Variants in SDK1 observed in about 807,000 individuals in gnomAD.
The protein encoded by SDK1 is sidekick cell adhesion molecule 1, also known as protein sidekick-1.
A neutral mutation model predicts 245.5 loss-of-function variants in SDK1; 157 were observed. The observed-to-expected ratio is 0.64, with a 90% confidence interval of 0.56 to 0.73. The LOEUF (loss-of-function observed/expected upper bound fraction) is 0.73. Ranked by LOEUF, SDK1 falls within the 30% of genes least tolerant of loss-of-function variation. The pLI, the probability that SDK1 is intolerant of heterozygous loss-of-function variation, is 0.00. For synonymous variants in SDK1, 1,647 were observed against 1,278.5 expected, an observed-to-expected ratio of 1.29 and a Z score of -6.15; for missense variants, 3,583 against 3,002.3, an observed-to-expected ratio of 1.19 and a Z score of -4.52.
At chr7:4,017,807 G>C (rs558579250) in intron 17 of SDK1, among the ~76,000 whole-genome samples, 6 of 152,156 alleles carry the variant, frequency 3.9e-5, no homozygotes, top group East Asian at 1.9e-4. Context: ...TACTTTTTTT[G>C]GTTGTGCTTT....
intron 1 of SDK1, among the ~76,000 whole-genome samples, chr7:3,488,427 C>G (rs1431829092): frequency 6.6e-6 from 1 of 151,924 alleles, no homozygotes; most frequent in Non-Finnish European, 1.5e-5. Context: ...CATTTCCCTT[C>G]TTTAGCTATT....
intron 20 of SDK1, among the ~76,000 whole-genome samples, chr7:4,071,064 C>G (rs186446372): frequency 6.6e-6 from 1 of 152,028 alleles, no homozygotes; most frequent in African/African-American, 2.4e-5. Flanking sequence ...GTCTCTCTGT[C>G]ACCCAGGTTG....
intron 5 of SDK1, among the ~76,000 whole-genome samples, chr7:3,823,553 T>C (rs144090332): frequency 1.3e-3 from 200 of 152,300 alleles, no homozygotes; most frequent in African/African-American, 4.6e-3. Flanking sequence ...CGTAATACCA[T>C]GGTGTTAGAT....
At chr7:3,477,300 A>G (rs909804615) in intron 1 of SDK1, among the ~76,000 whole-genome samples, 4 of 137,474 alleles carry the variant, frequency 2.9e-5, no homozygotes, top group Non-Finnish European at 3.0e-5. Context: ...GCTTCAAGCC[A>G]TTCTCCTGCC....
At chr7:4,157,719 G>C (rs1304503067) in intron 30 of SDK1, among the ~76,000 whole-genome samples, 1 of 152,176 alleles carries the variant, frequency 6.6e-6, no homozygotes, top group East Asian at 1.9e-4. Flanking sequence ...TCTTGTAGCA[G>C]TGGGCCTCAG....
chr7:3,901,312 G>A (rs144374342), intron 5 of SDK1, among the ~76,000 whole-genome samples: 10 of 151,720 alleles, frequency 6.6e-5, no homozygotes, highest in African/African-American at 1.9e-4. Context: ...TCAGCCTCCC[G>A]AGTAGCTGGG....
intron 1 of SDK1, among the ~76,000 whole-genome samples, chr7:3,543,892 A>G (rs1562552301): frequency 6.6e-6 from 1 of 152,232 alleles, no homozygotes; most frequent in Non-Finnish European, 1.5e-5. Context: ...ACAAACACCA[A>G]CAGCCATCTG....
At chr7:3,599,397 C>T (rs1781181467) in intron 1 of SDK1, among the ~76,000 whole-genome samples, 1 of 151,942 alleles carries the variant, frequency 6.6e-6, no homozygotes, top group Non-Finnish European at 1.5e-5. Context: ...TGTGGTTTGC[C>T]TGTATTTTCT....
chr7:3,909,975 G>T (rs1329372339), intron 5 of SDK1, among the ~76,000 whole-genome samples: 1 of 152,290 alleles, frequency 6.6e-6, no homozygotes, highest in South Asian at 2.1e-4. Flanking sequence ...CAAGGGCAAG[G>T]TTCATTTAAA....
chr7:3,826,813 C>T lies in SDK1; in HGVS notation c.847+5230C>T, dbSNP rs79717910. On this transcript the variant is annotated intron_variant, in intron 5 of 44. Coordinates refer to ENST00000404826, the MANE Select transcript of SDK1 (RefSeq NM_152744.4). ...AAACTTAGTTTCCTTCTTGGGCTTT[C>T]GGTGAGAAAACATAAGTTAAAATAC... Among the ~76,000 whole-genome samples the T allele has an allele frequency of 4.4e-3, 667 of 152,210 alleles. 12 individuals carry two copies. Among genetic ancestry groups the T allele is most frequent in the East Asian group, 0.034 (175 of 5,168 alleles).
At chr7:3,975,876 G>C (rs1019046426) in intron 13 of SDK1, among the ~76,000 whole-genome samples, 36 of 152,370 alleles carry the variant, frequency 2.4e-4, no homozygotes, top group Admixed American at 2.2e-3. Context: ...TGGTGCGGGG[G>C]TCCTGGTGCT....
At chr7:3,759,782 G>A (rs1780040514) in intron 4 of SDK1, among the ~76,000 whole-genome samples, 1 of 151,784 alleles carries the variant, frequency 6.6e-6, no homozygotes, top group Non-Finnish European at 1.5e-5. Flanking sequence ...TAGCAGAGAC[G>A]GGGTTTCACC....
intron 1 of SDK1, among the ~76,000 whole-genome samples, 161 bp from the exon 2 acceptor site, chr7:3,618,919 T>C (rs1781851426): frequency 6.6e-6 from 1 of 152,236 alleles, no homozygotes; most frequent in African/African-American, 2.4e-5. Context: ...ATTGCATGTT[T>C]CCAGGGTTTG....
At chr7:4,079,203 CAG>C (rs1353219428) in intron 21 of SDK1, among the ~76,000 whole-genome samples, 1 of 152,204 alleles carries the variant, frequency 6.6e-6, no homozygotes, top group African/African-American at 2.4e-5. Context: ...CGTGTGCCTG[CAG>C]AGTTTCTCAT....
intron 17 of SDK1, among the ~76,000 whole-genome samples, chr7:4,040,405 G>A (rs532490409): frequency 5.6e-4 from 85 of 152,254 alleles, no homozygotes; most frequent in Non-Finnish European, 1.1e-3. Context: ...CACACAAGTC[G>A]AACCACATTG....
At position 3,314,881 on chromosome 7, in the gene SDK1, C is replaced by T. The variant is rs1779628753; in HGVS notation, c.298+12997C>T. On this transcript the variant is annotated intron_variant, in intron 1 of 44. Transcript: ENST00000404826. ...AATAACGTGAATTTCATCATACATC[C>T]TATTGGCAACAAAAACTTTTTTTTT... Among the ~76,000 whole-genome samples, 4 of 150,658 alleles carry T rather than the reference C, an allele frequency of 2.7e-5. No individual in the cohort carries two copies. In the South Asian group the frequency reaches 8.4e-4, roughly 32 times the overall value.
At chr7:3,677,724 A>G (rs1332133844) in intron 4 of SDK1, among the ~76,000 whole-genome samples, 1 of 152,254 alleles carries the variant, frequency 6.6e-6, no homozygotes, top group Non-Finnish European at 1.5e-5. Flanking sequence ...TATATTTTAT[A>G]TCTTAATGTG....
At chr7:4,164,970 C>G (rs1257302174) in intron 32 of SDK1, among the ~76,000 whole-genome samples, 1 of 152,180 alleles carries the variant, frequency 6.6e-6, no homozygotes, top group African/African-American at 2.4e-5. Context: ...TTAGAACAAA[C>G]AGAACAAAGA....
chr7:4,232,549 A>G (rs944164531), intron 40 of SDK1, among the ~76,000 whole-genome samples: 19 of 149,822 alleles, frequency 1.3e-4, no homozygotes, highest in African/African-American at 3.9e-4. Context: ...TGCAACCTCA[A>G]CCTCCCAGGC....
Sources: allele counts gnomAD v4.1 joint callset (sites outside exome capture counted in the v4.1 genomes callset), GRCh38; gene constraint gnomAD v4.1.1; transcripts MANE v1.5; gene names NCBI Gene and HGNC (gene_info 2026-07-23, HGNC 2026-07-21).